Variants in WRN observed in about 807,000 individuals in gnomAD.
WRN encodes the protein bifunctional 3'-5' exonuclease/ATP-dependent helicase WRN.
In WRN, 149 loss-of-function variants were observed where a neutral mutation model predicts 180.7. That is an observed-to-expected ratio of 0.82 (90% CI 0.72 to 0.94). The LOEUF is 0.94. Among genes scored for constraint, WRN ranks in the 40% least tolerant of loss-of-function variants. The pLI, the probability that WRN is intolerant of heterozygous loss-of-function variation, is 0.00. For missense variants in WRN, 1,661 were observed against 1,700.1 expected (o/e 0.98, Z 0.40); for synonymous variants, 548 against 568.9 (o/e 0.96, Z 0.52).
At chr8:31,067,279 T>C in intron 6 of WRN, 97 bp downstream of exon 6, 1 of 1,356,696 alleles carries the variant, frequency 7.4e-7, no homozygotes, top group Non-Finnish European at 1.0e-6. Context: ...GCAGAAACTC[T>C]ACCAAAATAT....
At position 31,175,476 on chromosome 8, in the gene WRN, A is replaced by G. The variant is rs924436644; in HGVS notation, c.*2374A>G. ...TCATGACTGGGTAAAAGATCTGTTC[A>G]GAGTACAAGATGGACCAATGGATTT... On this transcript the variant is annotated 3_prime_UTR_variant, in exon 35 of 35. Transcript: ENST00000298139. Among the ~76,000 whole-genome samples the G allele has an allele frequency of 6.6e-6, 1 of 152,222 alleles. No individual in the cohort carries two copies. Among genetic ancestry groups the G allele is most frequent in the African/African-American group, 2.4e-5 (1 of 41,466 alleles).
chr8:31,101,774 C>T (rs1036055471), intron 18 of WRN, among the ~76,000 whole-genome samples: 2 of 106,798 alleles, frequency 1.9e-5, no homozygotes, highest in Non-Finnish European at 3.5e-5. Flanking sequence ...GCAACAAGAG[C>T]GAAACTCTGT....
chr8:31,097,719 C>T (rs1047323010), intron 17 of WRN, among the ~76,000 whole-genome samples: 6 of 151,844 alleles, frequency 4.0e-5, no homozygotes, highest in African/African-American at 1.2e-4. Context: ...ATGAAGGCTG[C>T]GGTGAGCCAA....
intron 1 of WRN, among the ~76,000 whole-genome samples, chr8:31,052,220 CCT>C (rs1387016474): frequency 2.6e-5 from 4 of 151,886 alleles, no homozygotes; most frequent in South Asian, 2.1e-4. Flanking sequence ...ACTTTTGTCC[CCT>C]GATTGTTAAA....
chr8:31,114,143 G>A (rs1801425853), intron 19 of WRN, among the ~76,000 whole-genome samples: 1 of 152,158 alleles, frequency 6.6e-6, no homozygotes, highest in Non-Finnish European at 1.5e-5. Flanking sequence ...CAGTGAGGTA[G>A]AGGGTAATTA....
Position 31,119,818 on chromosome 8 carries a change from G to A in WRN, c.2449-425G>A, listed in dbSNP as rs2737340. On this transcript the variant is annotated intron_variant, in intron 20 of 34. Transcript: ENST00000298139. Reference sequence around the variant, plus strand: ...AATTTTACCCTCTTAAAGATGCAGAGATAATGCATTATGTTTCATCCCACC... The same window carrying A: ...AATTTTACCCTCTTAAAGATGCAGAAATAATGCATTATGTTTCATCCCACC... 1.5e-3 allele frequency: 264 copies of A among 170,482 alleles called. 2 individuals carry two copies. Among genetic ancestry groups the A allele is most frequent in the Non-Finnish European group, 2.7e-3 (217 of 79,794 alleles). 10.6% of individuals were successfully genotyped at this position (170,482 alleles called of 1,614,324 possible).
intron 30 of WRN, among the ~76,000 whole-genome samples, chr8:31,148,630 G>C (rs888017786): frequency 6.6e-6 from 1 of 151,936 alleles, no homozygotes; most frequent in Non-Finnish European, 1.5e-5. Context: ...TGAAGATCTC[G>C]CTTTATTACT....
In WRN at chr8:31,120,095, C is replaced by T. The variant is rs1585482794; in HGVS notation, c.2449-148C>T. 5.7e-6 allele frequency: 5 copies of T among 883,120 alleles called. No homozygotes were observed. In the East Asian group the frequency reaches 1.3e-4, roughly 23 times the overall value. 54.7% of individuals were successfully genotyped at this position (883,120 alleles called of 1,614,324 possible). A position where few individuals can be genotyped will look rare whatever the true frequency, so the allele number is the denominator to read the frequency against. On this transcript the variant is annotated intron_variant, in intron 20 of 34. Coordinates refer to ENST00000298139, the MANE Select transcript of WRN (RefSeq NM_000553.6). ...TTAATCTGTAAATCAGGCAGATAAT[C>T]TGTAAATGATTGGTTGAAATCACAT...
chr8:31,143,139 A>T (rs2130425275), intron 27 of WRN, among the ~76,000 whole-genome samples: 1 of 152,158 alleles, frequency 6.6e-6, no homozygotes, highest in East Asian at 1.9e-4. Context: ...GATCTTAGAT[A>T]ACTATTACAG....
At chr8:31,083,045 G>C (rs1446504229) in intron 9 of WRN, among the ~76,000 whole-genome samples, 1 of 151,722 alleles carries the variant, frequency 6.6e-6, no homozygotes, top group Non-Finnish European at 1.5e-5. Context: ...CCTACTTCCT[G>C]TTTAAATATT....
At chr8:31,071,046 A>G (rs1439778303) in intron 7 of WRN, among the ~76,000 whole-genome samples, 1 of 22,412 alleles carries the variant, frequency 4.5e-5, no homozygotes, top group Non-Finnish European at 1.6e-4. Context: ...TCTGTCTCAG[A>G]AAAAAAAAAA....
intron 23 of WRN, among the ~76,000 whole-genome samples, chr8:31,129,607 GAAA>G (rs1242793466): frequency 6.6e-6 from 1 of 151,894 alleles, no homozygotes; most frequent in Admixed American, 6.6e-5. Context: ...CATATTCAAA[GAAA>G]AAATCAAACT....
At chr8:31,116,551 C>T (rs1166081152) in intron 20 of WRN, 23 bp downstream of exon 20, 1 of 1,612,524 alleles carries the variant, frequency 6.2e-7, no homozygotes, top group Non-Finnish European at 8.5e-7. Flanking sequence ...ATCATCATTG[C>T]TCTCCGTTGC....
intron 3 of WRN, among the ~76,000 whole-genome samples, chr8:31,060,793 C>T (rs1044967340): frequency 6.6e-6 from 1 of 152,136 alleles, no homozygotes; most frequent in Admixed American, 6.5e-5. Context: ...GCAATTAGCA[C>T]AAGTGACTTG....
In WRN at chr8:31,130,020, C is replaced by CAAA. The variant is rs1190386295; in HGVS notation, c.2826-2343_2826-2341dup. Among the ~76,000 whole-genome samples, 91 of 131,810 alleles carry CAAA rather than the reference C, an allele frequency of 6.9e-4. 8 individuals are homozygous for CAAA. Among genetic ancestry groups the CAAA allele is most frequent in the Middle Eastern group, 4.0e-3 (1 of 248 alleles). The allele number at this position is 131,810 out of a possible 152,430, so 86.5% of individuals were successfully genotyped here. On this transcript the variant is annotated intron_variant, in intron 23 of 34. Transcript: ENST00000298139. Reference sequence around the variant, plus strand: ...CTCTTGTCTCAAAAAAAAAACAAAACAAAACAAAAAAAAAAACTAGTAAGA... The same window carrying CAAA: ...CTCTTGTCTCAAAAAAAAAACAAAACAAAAAAACAAAAAAAAAAACTAGTAAGA...
At chr8:31,109,871 A>C (rs1801237886) in intron 18 of WRN, among the ~76,000 whole-genome samples, 1 of 152,132 alleles carries the variant, frequency 6.6e-6, no homozygotes, top group African/African-American at 2.4e-5. Flanking sequence ...CTGTGCTGCC[A>C]TTCTTTTGCC....
chr8:31,149,179 C>T (rs1279502776), intron 30 of WRN, among the ~76,000 whole-genome samples: 4 of 151,914 alleles, frequency 2.6e-5, no homozygotes, highest in African/African-American at 4.8e-5. Flanking sequence ...GGGCGGATCA[C>T]GAGGTTAGGA....
intron 19 of WRN, among the ~76,000 whole-genome samples, chr8:31,115,661 G>A (rs1414490331): frequency 6.6e-6 from 1 of 152,050 alleles, no homozygotes; most frequent in African/African-American, 2.4e-5. Flanking sequence ...TATATTGTCA[G>A]CATAAATGAA....
chr8:31,169,865 C>T (rs1023025932), intron 34 of WRN, among the ~76,000 whole-genome samples: 1 of 149,682 alleles, frequency 6.7e-6, no homozygotes, highest in Non-Finnish European at 1.5e-5. Flanking sequence ...CGGCTAGTCC[C>T]AGGGTTCAGA....
Sources: allele counts gnomAD v4.1 joint callset (sites outside exome capture counted in the v4.1 genomes callset), GRCh38; gene constraint gnomAD v4.1.1; transcripts MANE v1.5; gene names NCBI Gene and HGNC (gene_info 2026-07-23, HGNC 2026-07-21).